The following SRRM1 variants were observed in gnomAD, a reference collection of about 807,000 sequenced individuals.
SRRM1 encodes the protein serine/arginine repetitive matrix protein 1.
SRRM1 carries 19 observed loss-of-function variants against 110.2 expected under a neutral mutation model. The observed-to-expected ratio is 0.17, with a 90% CI of 0.12 to 0.25. The LOEUF (loss-of-function observed/expected upper bound fraction) is 0.25, where lower values mean the gene tolerates loss of function less well. Among genes scored for constraint, SRRM1 ranks in the 10% least tolerant of loss-of-function variants. The pLI is 1.00. For synonymous variants in SRRM1, 443 were observed against 414.9 expected (o/e 1.07, Z -0.82); for missense variants, 918 against 1,145.8 (o/e 0.80, Z 2.87).
At chr1:24,669,658 C>A in intron 14 of SRRM1, 71 bp downstream of exon 14, 1 of 1,175,920 alleles carries the variant, frequency 8.5e-7, no homozygotes, top group Non-Finnish European at 1.2e-6. Context: ...TTCCCCCCAC[C>A]CCCATATAAA....
chr1:24,658,652 G>A (rs977489508), intron 9 of SRRM1, among the ~76,000 whole-genome samples: 1 of 152,052 alleles, frequency 6.6e-6, no homozygotes, highest in Admixed American at 6.5e-5. Flanking sequence ...ACTTTTTAAC[G>A]ACGTGCCCAT....
chr1:24,665,716 A>C (rs1486868429), intron 12 of SRRM1, among the ~76,000 whole-genome samples: 1 of 152,102 alleles, frequency 6.6e-6, no homozygotes, highest in Non-Finnish European at 1.5e-5. Context: ...CTGTCTCAAG[A>C]AAAGAAGGGG....
chr1:24,646,570 A>G (rs935829868), intron 2 of SRRM1, 97 bp from the exon 3 acceptor site: 46 of 1,138,956 alleles, frequency 4.0e-5, no homozygotes, highest in Admixed American at 5.4e-5. Flanking sequence ...CAAACAAAAA[A>G]ACTAAGCTAA....
At chr1:24,668,543 G>A (rs1671195072) in intron 13 of SRRM1, among the ~76,000 whole-genome samples, 1 of 152,152 alleles carries the variant, frequency 6.6e-6, no homozygotes, top group Admixed American at 6.5e-5. Context: ...GAGGAAATTA[G>A]GCAGTTTGGC....
intron 11 of SRRM1, among the ~76,000 whole-genome samples, chr1:24,662,122 C>T (rs544009907): frequency 8.7e-4 from 133 of 152,160 alleles, no homozygotes; most frequent in African/African-American, 3.1e-3. Flanking sequence ...TAATAATCTA[C>T]CCTATTATTT....
chr1:24,671,241 G>T, intron 15 of SRRM1, 145 bp from the exon 16 acceptor site: 1 of 823,408 alleles, frequency 1.2e-6, no homozygotes, highest in Non-Finnish European at 2.0e-6. Flanking sequence ...AATTGGCCTT[G>T]GGCCTTCCCC....
In SRRM1 at chr1:24,660,813, T is replaced by G. The variant is rs762017187; in HGVS notation, c.1396+14T>G. The G allele has an allele frequency of 4.5e-6, 7 of 1,558,898 alleles. No homozygotes were observed. In the South Asian group the frequency reaches 7.2e-5, roughly 16 times the overall value. On this transcript the variant is annotated intron_variant, in intron 10 of 16. Coordinates refer to ENST00000323848, the MANE Select transcript of SRRM1 (RefSeq NM_005839.4). ...TATCTGAATCGGGTAAGTTTGTTGTTTTTTTTTGTGATTTTGGTTTGTTTG... is the reference window on the plus strand; with the variant it reads ...TATCTGAATCGGGTAAGTTTGTTGTGTTTTTTTGTGATTTTGGTTTGTTTG...
At position 24,652,743 on chromosome 1, in the gene SRRM1, G is replaced by T; in HGVS notation, c.920+115G>T. 1.0e-5 allele frequency: 13 copies of T among 1,300,996 alleles called. No individual in the cohort carries two copies. The South Asian group carries it at 1.8e-4, about 18-fold the overall frequency. The allele number at this position is 1,300,996 out of a possible 1,614,324, so 80.6% of individuals were successfully genotyped here. A position where few individuals can be genotyped will look rare whatever the true frequency, so the allele number is the denominator to read the frequency against. On this transcript the variant is annotated intron_variant, in intron 7 of 16. Transcript: ENST00000323848. ...AAGATGTTTAGTACAAATATTTTTT[G>T]AATGTACACAGAGAATTTGAGGACA... is the stretch of plus-strand genomic sequence containing the variant.
chr1:24,661,300 C>T lies in SRRM1; in HGVS notation c.1397-10C>T, dbSNP rs142714549. 319 of 1,604,054 alleles carry T rather than the reference C, an allele frequency of 2.0e-4. No homozygotes were observed. In the Middle Eastern group the frequency reaches 3.1e-3, roughly 16 times the overall value. Reference sequence around the variant, plus strand: ...TAAAGAAACACTTTCTAAATGCATCCATCTTTCAGAAGAAGATAAAGGTGG... The same window carrying T: ...TAAAGAAACACTTTCTAAATGCATCTATCTTTCAGAAGAAGATAAAGGTGG... On this transcript the variant is annotated splice_polypyrimidine_tract_variant and intron_variant, in intron 10 of 16. Transcript: ENST00000323848.
At position 24,645,805 on chromosome 1, in the gene SRRM1, C is replaced by A. The variant is rs933059179; in HGVS notation, c.22-179C>A. On this transcript the variant is annotated intron_variant, in intron 1 of 16. Transcript: ENST00000323848. ...AACATATACTTGATAATTTAAAAAT[C>A]CAGTCAAGTTTTCCAAGTATCAGCT... Among the ~76,000 whole-genome samples, 6 of 152,260 alleles carry A rather than the reference C, an allele frequency of 3.9e-5. No homozygotes were observed. In the South Asian group the frequency reaches 1.0e-3, roughly 26 times the overall value.
chr1:24,657,408 C>A (rs1664746001), intron 9 of SRRM1, among the ~76,000 whole-genome samples: 1 of 152,182 alleles, frequency 6.6e-6, no homozygotes, highest in Non-Finnish European at 1.5e-5. Context: ...CAGAACTCTT[C>A]TTTGATTGCT....
chr1:24,667,435 T>C (rs1340296406), intron 13 of SRRM1, among the ~76,000 whole-genome samples: 1 of 152,182 alleles, frequency 6.6e-6, no homozygotes, highest in Non-Finnish European at 1.5e-5. Flanking sequence ...CTGGCAGATA[T>C]CTCTTACCTA....
intron 5 of SRRM1, chr1:24,650,761 T>C (rs969221381): frequency 1.3e-5 from 2 of 152,362 alleles, no homozygotes; most frequent in East Asian, 3.9e-4. Flanking sequence ...AATCTCCTTA[T>C]GGAAGTAATA....
chr1:24,654,397 G>T, intron 8 of SRRM1: 1 of 1,250,992 alleles, frequency 8.0e-7, no homozygotes, highest in Non-Finnish European at 1.0e-6. Flanking sequence ...AATTCGAGAG[G>T]CCCCTGCTTC....
At chr1:24,670,696 CT>C (rs1241650587) in intron 15 of SRRM1, among the ~76,000 whole-genome samples, 4 of 152,134 alleles carry the variant, frequency 2.6e-5, no homozygotes, top group Non-Finnish European at 5.9e-5. Context: ...CAGGGTCTTG[CT>C]GTGTTGACCA....
intron 12 of SRRM1, 67 bp downstream of exon 12, chr1:24,662,871 ATTAT>A: frequency 6.4e-7 from 1 of 1,570,844 alleles, no homozygotes; most frequent in Non-Finnish European, 8.7e-7. Context: ...ATAACTTGGG[ATTAT>A]TTGAGAATTT....
chr1:24,661,803 A>G (rs138004362), intron 11 of SRRM1, among the ~76,000 whole-genome samples: 285 of 152,324 alleles, frequency 1.9e-3, no homozygotes, highest in African/African-American at 6.7e-3. Context: ...CCTATTAAAA[A>G]TCTAGACTGG....
intron 9 of SRRM1, among the ~76,000 whole-genome samples, chr1:24,657,123 C>T (rs147152323): frequency 1.0e-3 from 158 of 152,248 alleles, no homozygotes; most frequent in African/African-American, 3.4e-3. Flanking sequence ...CTCTGTCACT[C>T]GGGCTGGAGT....
At chr1:24,646,097 G>A in intron 2 of SRRM1, 24 bp downstream of exon 2, 3 of 1,564,950 alleles carry the variant, frequency 1.9e-6, no homozygotes, top group Non-Finnish European at 2.6e-6. Context: ...TGAGACTGTT[G>A]TGCATCTTTA....
Sources: allele counts gnomAD v4.1 joint callset (sites outside exome capture counted in the v4.1 genomes callset), GRCh38; gene constraint gnomAD v4.1.1; transcripts MANE v1.5; gene names NCBI Gene and HGNC (gene_info 2026-07-23, HGNC 2026-07-21).